SLC68A1: variants seen among roughly 807,000 people sequenced by gnomAD.
SLC68A1 encodes the protein solute carrier family 68 member 1, also known as major facilitator superfamily domain containing 13A.
chr10:102,461,790 A>T, the SLC68A1 span: 1 of 152,316 alleles, frequency 6.6e-6, no homozygotes. Flanking sequence ...GCATAAAGGC[A>T]TTTAACCCTG....
At chr10:102,463,222 G>C in the SLC68A1 span, among the ~76,000 whole-genome samples, 2 of 149,868 alleles carry the variant, frequency 1.3e-5, no homozygotes, top group Non-Finnish European at 3.0e-5. Flanking sequence ...CTCCAGGCTG[G>C]AGTGCAGTGG....
chr10:102,471,223 G>C, the SLC68A1 span: 4 of 1,601,990 alleles, frequency 2.5e-6, no homozygotes, highest in Non-Finnish European at 2.6e-6. Context: ...TGTGTTGGGG[G>C]ATAACTCTGG....
chr10:102,470,806 G>C, the SLC68A1 span: 12 of 1,613,964 alleles, frequency 7.4e-6, no homozygotes, highest in Non-Finnish European at 8.5e-6. Flanking sequence ...TGCTGTGCCT[G>C]TGCCTCTATG....
chr10:102,469,552 G>GCT, the SLC68A1 span, among the ~76,000 whole-genome samples: 1 of 147,786 alleles, frequency 6.8e-6, no homozygotes, highest in Non-Finnish European at 1.5e-5. Context: ...AGGTTTTTTT[G>GCT]TTTTTTTTTT....
At chr10:102,469,159 G>A in the SLC68A1 span, 1 of 1,614,082 alleles carries the variant, frequency 6.2e-7, no homozygotes, top group South Asian at 1.1e-5. Context: ...CTTTGTCTCA[G>A]TGTACAAGAT....
At chr10:102,467,193 C>T in the SLC68A1 span, among the ~76,000 whole-genome samples, 631 of 152,238 alleles carry the variant, frequency 4.1e-3, 3 homozygotes, top group Non-Finnish European at 7.0e-3. Flanking sequence ...CCCGCCACCA[C>T]GCCGGCTAAT....
the SLC68A1 span, among the ~76,000 whole-genome samples, chr10:102,466,577 T>C: frequency 1.3e-5 from 2 of 151,818 alleles, no homozygotes; most frequent in Admixed American, 1.3e-4. Context: ...GAGGTTACAC[T>C]CTTAGTAGGA....
At chr10:102,468,186 C>G in the SLC68A1 span, 2 of 152,268 alleles carry the variant, frequency 1.3e-5, no homozygotes, top group Non-Finnish European at 2.9e-5. Flanking sequence ...CCCTTCCCGT[C>G]TTCCTTATCA....
At chr10:102,462,367 T>C in the SLC68A1 span, among the ~76,000 whole-genome samples, 2 of 152,234 alleles carry the variant, frequency 1.3e-5, no homozygotes, top group East Asian at 3.8e-4. Flanking sequence ...TAGACTCAGA[T>C]AGTAAGTTAA....
At chr10:102,464,717 G>C in the SLC68A1 span, among the ~76,000 whole-genome samples, 1 of 150,410 alleles carries the variant, frequency 6.6e-6, no homozygotes, top group Non-Finnish European at 1.5e-5. Flanking sequence ...TTGAACCTGG[G>C]AGGCAGAGGT....
chr10:102,471,018 G>A, the SLC68A1 span: 2 of 1,613,526 alleles, frequency 1.2e-6, no homozygotes, highest in Non-Finnish European at 1.7e-6. Flanking sequence ...CTGGCTGTCA[G>A]CTCTGGGCTG....
At chr10:102,470,753 C>G in the SLC68A1 span, 3 of 1,613,962 alleles carry the variant, frequency 1.9e-6, no homozygotes, top group Non-Finnish European at 2.5e-6. Context: ...GCTGTCGTTC[C>G]TGGCGTTCTG....
chr10:102,476,883 A>G, the SLC68A1 span: 2 of 984,904 alleles, frequency 2.0e-6, no homozygotes, highest in Non-Finnish European at 2.4e-6. Context: ...CCCACCTCCC[A>G]CTCCGTCCAC....
the SLC68A1 span, chr10:102,469,072 A>AG: frequency 2.5e-6 from 4 of 1,613,960 alleles, no homozygotes; most frequent in South Asian, 4.4e-5. Flanking sequence ...GGGTCTGCCC[A>AG]CAGCTGTGGT....
At chr10:102,469,034 GGCTGGGTCAGCCCCAGGCCTGGTT>G in the SLC68A1 span, 2 of 1,612,310 alleles carry the variant, frequency 1.2e-6, no homozygotes, top group East Asian at 4.5e-5. Flanking sequence ...GCAGCCATGG[GGCTGGGTCAGCCCCAGGCCTGGTT>G]GCTGGGTCTG....
chr10:102,470,775 C>T, the SLC68A1 span: 1 of 1,613,906 alleles, frequency 6.2e-7, no homozygotes, highest in Non-Finnish European at 8.5e-7. Context: ...GTGCCCTGGG[C>T]CCCAGCTGGC....
chr10:102,471,055 G>A, the SLC68A1 span: 14 of 1,613,734 alleles, frequency 8.7e-6, no homozygotes, highest in Non-Finnish European at 1.2e-5. Context: ...CACAGCTGCT[G>A]AGGCGGCGGG....
chr10:102,468,432 G>A, the SLC68A1 span: 1 of 152,486 alleles, frequency 6.6e-6, no homozygotes, highest in African/African-American at 2.4e-5. Flanking sequence ...CAGCACTTTG[G>A]GAGGCCGAGG....
chr10:102,473,996 GCT>G, the SLC68A1 span: 1 of 1,605,894 alleles, frequency 6.2e-7, no homozygotes, highest in South Asian at 1.1e-5. Context: ...GCACCTGGCT[GCT>G]CTGTTTCTAC....
Sources: gnomAD v4.1 joint callset for allele counts (sites outside exome capture counted in the v4.1 genomes callset) on GRCh38, gnomAD v4.1.1 for gene constraint, MANE v1.5 for transcripts, NCBI Gene and HGNC (gene_info 2026-07-23, HGNC 2026-07-21) for gene names.